Variants in ZFPM2 observed in about 807,000 individuals in gnomAD.
ZFPM2 encodes zinc finger protein ZFPM2.
ZFPM2 carries 20 observed loss-of-function variants against 98.6 expected under a neutral mutation model. That is an observed-to-expected ratio of 0.20 (90% CI 0.14 to 0.29). The LOEUF is 0.29. Ranked by LOEUF, ZFPM2 falls within the 10% of genes least tolerant of loss-of-function variation. The probability of loss-of-function intolerance (pLI) is 1.00; values close to 1 mark genes in which losing one functional copy is unlikely to be tolerated. For synonymous variants in ZFPM2, 518 were observed against 502.7 expected (o/e 1.03, Z -0.41); for missense variants, 1,310 against 1,388.6 (o/e 0.94, Z 0.90).
At chr8:105,682,984 G>T (rs1810643502) in intron 5 of ZFPM2, among the ~76,000 whole-genome samples, 1 of 152,054 alleles carries the variant, frequency 6.6e-6, no homozygotes, top group Non-Finnish European at 1.5e-5. Flanking sequence ...AGGCTGGGAA[G>T]TCCAAGATCA....
intron 4 of ZFPM2, among the ~76,000 whole-genome samples, chr8:105,574,757 C>A (rs909401792): frequency 1.3e-5 from 2 of 150,972 alleles, no homozygotes; most frequent in Non-Finnish European, 2.9e-5. Flanking sequence ...CAGACAGGAG[C>A]AGTAAGAGTC....
rs1172221982 is a variant in ZFPM2, at chr8:105,447,341, C to T, written c.301+2960C>T. On this transcript the variant is annotated intron_variant, in intron 3 of 7. Transcript: ENST00000407775. ...CAAAAAAAAAAACCAAAAACCTGTT[C>T]TCACTTTACCTATATCCTCATTTGT... Among the ~76,000 whole-genome samples the T allele has an allele frequency of 2.7e-5, 4 of 150,508 alleles. No homozygotes were observed. In the South Asian group the frequency reaches 6.2e-4, roughly 23 times the overall value.
At chr8:105,532,313 A>G (rs187498080) in intron 3 of ZFPM2, among the ~76,000 whole-genome samples, 1 of 152,236 alleles carries the variant, frequency 6.6e-6, no homozygotes, top group African/African-American at 2.4e-5. Context: ...CAGAACTTAT[A>G]TGAATTTTTA....
chr8:105,682,492 A>T (rs1810630562), intron 5 of ZFPM2, among the ~76,000 whole-genome samples: 1 of 152,218 alleles, frequency 6.6e-6, no homozygotes, highest in Non-Finnish European at 1.5e-5. Context: ...GGAAGAGATC[A>T]GATAGATCCT....
chr8:105,714,346 C>G lies in ZFPM2; in HGVS notation c.533-74372C>G, dbSNP rs1811469438. Among the ~76,000 whole-genome samples the G allele has an allele frequency of 2.0e-5, 3 of 151,920 alleles. No homozygotes were observed. In the South Asian group the frequency reaches 6.2e-4, roughly 32 times the overall value. On this transcript the variant is annotated intron_variant, in intron 5 of 7. Coordinates refer to ENST00000407775, the MANE Select transcript of ZFPM2 (RefSeq NM_012082.4). ...CTGAAACTTTACTGAAGTCTTTTAT[C>G]AGATGTAGGAACCTTTTGGCAGAGT... is the stretch of plus-strand genomic sequence containing the variant.
intron 2 of ZFPM2, among the ~76,000 whole-genome samples, chr8:105,437,826 A>G (rs1812156454): frequency 6.6e-6 from 1 of 152,076 alleles, no homozygotes; most frequent in South Asian, 2.1e-4. Context: ...GTGGATCACC[A>G]GAGGTCAGGA....
At chr8:105,473,802 G>A (rs997470634) in intron 3 of ZFPM2, among the ~76,000 whole-genome samples, 1 of 152,190 alleles carries the variant, frequency 6.6e-6, no homozygotes, top group Non-Finnish European at 1.5e-5. Context: ...ATGCAAATGT[G>A]TGTTAATATG....
chr8:105,627,491 A>G (rs1388045324), intron 4 of ZFPM2, among the ~76,000 whole-genome samples: 2 of 152,194 alleles, frequency 1.3e-5, no homozygotes, highest in Non-Finnish European at 2.9e-5. Flanking sequence ...GAATTGATTT[A>G]TTACTGGAAA....
chr8:105,505,133 C>T (rs1260643973), intron 3 of ZFPM2, among the ~76,000 whole-genome samples: 2 of 152,120 alleles, frequency 1.3e-5, no homozygotes, highest in Non-Finnish European at 2.9e-5. Flanking sequence ...CTTCAGTTCT[C>T]TGAGCCTTCG....
chr8:105,582,059 G>A (rs1815613937), intron 4 of ZFPM2, among the ~76,000 whole-genome samples: 1 of 152,220 alleles, frequency 6.6e-6, no homozygotes, highest in South Asian at 2.1e-4. Flanking sequence ...AGTAAAGTTA[G>A]TGTGAGGGTT....
intron 4 of ZFPM2, among the ~76,000 whole-genome samples, chr8:105,612,739 G>A (rs1045856547): frequency 3.3e-5 from 5 of 152,112 alleles, no homozygotes; most frequent in Non-Finnish European, 2.9e-5. Context: ...TGTCTCCCTT[G>A]CTCTCTCTTT....
chr8:105,718,517 A>G (rs1368518382), intron 5 of ZFPM2, among the ~76,000 whole-genome samples: 2 of 152,024 alleles, frequency 1.3e-5, no homozygotes, highest in East Asian at 1.9e-4. Flanking sequence ...CTTGTACTAA[A>G]AATTAAGTAA....
intron 5 of ZFPM2, among the ~76,000 whole-genome samples, chr8:105,648,739 C>A (rs1335584987): frequency 2.0e-5 from 3 of 152,110 alleles, no homozygotes; most frequent in Non-Finnish European, 2.9e-5. Flanking sequence ...TGGTCTGTAT[C>A]TCTGTTTTGG....
At chr8:105,446,078 G>A (rs13251895) in intron 3 of ZFPM2, among the ~76,000 whole-genome samples, 13,360 of 151,874 alleles carry the variant, frequency 0.088, 704 homozygotes, top group South Asian at 0.14. Flanking sequence ...GTGCCACCGC[G>A]CCTGGCTAAT....
chr8:105,638,363 A>G (rs1816889215), intron 5 of ZFPM2, among the ~76,000 whole-genome samples: 1 of 152,100 alleles, frequency 6.6e-6, no homozygotes, highest in South Asian at 2.1e-4. Flanking sequence ...ATGCTGCCAC[A>G]AAAGAGTGGT....
chr8:105,374,862 G>T (rs186683072), intron 1 of ZFPM2, among the ~76,000 whole-genome samples: 3 of 151,846 alleles, frequency 2.0e-5, no homozygotes, highest in Non-Finnish European at 2.9e-5. Context: ...TTGTAGGGTA[G>T]CTCCAGTTTA....
chr8:105,413,105 C>T (rs1811610040), intron 1 of ZFPM2, among the ~76,000 whole-genome samples: 1 of 151,642 alleles, frequency 6.6e-6, no homozygotes, highest in East Asian at 1.9e-4. Flanking sequence ...AGGATATATA[C>T]GTACAGAACA....
chr8:105,590,507 T>G (rs1815818001), intron 4 of ZFPM2, among the ~76,000 whole-genome samples: 1 of 152,202 alleles, frequency 6.6e-6, no homozygotes, highest in Admixed American at 6.5e-5. Context: ...TGATGCTGCT[T>G]TGGTTTACTT....
At chr8:105,424,072 A>G (rs1811857944) in intron 2 of ZFPM2, among the ~76,000 whole-genome samples, 2 of 152,194 alleles carry the variant, frequency 1.3e-5, no homozygotes, top group South Asian at 4.1e-4. Flanking sequence ...TGATGGGTGC[A>G]CCAAAATCTC....
Sources: allele counts gnomAD v4.1 joint callset (sites outside exome capture counted in the v4.1 genomes callset), GRCh38; gene constraint gnomAD v4.1.1; transcripts MANE v1.5; gene names NCBI Gene and HGNC (gene_info 2026-07-23, HGNC 2026-07-21).